The following ARFGEF1 variants were observed in gnomAD, a reference collection of about 807,000 sequenced individuals.
ARFGEF1 encodes the protein ARF guanine nucleotide exchange factor 1, also known as brefeldin A-inhibited guanine nucleotide-exchange protein 1.
Under a neutral mutation model 231.0 loss-of-function variants are expected in ARFGEF1, and 42 were observed. The ratio of observed to expected loss-of-function variants is 0.18; its 90% CI spans 0.14 to 0.24. ARFGEF1 has a LOEUF of 0.24. Ranked by LOEUF, ARFGEF1 falls within the 10% of genes least tolerant of loss-of-function variation. The pLI, the probability that ARFGEF1 is intolerant of heterozygous loss-of-function variation, is 1.00. For synonymous variants in ARFGEF1, 710 were observed against 732.3 expected, an observed-to-expected ratio of 0.97 and a Z score of 0.49; for missense variants, 1,345 against 2,192.0, an observed-to-expected ratio of 0.61 and a Z score of 7.72.
chr8:67,191,146 C>G (rs1836125003), intron 5 of ARFGEF1, among the ~76,000 whole-genome samples: 1 of 152,176 alleles, frequency 6.6e-6, no homozygotes, highest in African/African-American at 2.4e-5. Context: ...TTGCCAAGGT[C>G]ACATGGGCAA....
chr8:67,227,098 T>C, intron 27 of ARFGEF1, 39 bp downstream of exon 27: 3 of 1,548,712 alleles, frequency 1.9e-6, no homozygotes. Context: ...TTGCTTTTTT[T>C]TTTTCCTTTT....
chr8:67,201,920 G>A, intron 36 of ARFGEF1: 1 of 320,442 alleles, frequency 3.1e-6, no homozygotes, highest in South Asian at 2.8e-5. Context: ...ATAAACAGGG[G>A]CAACCCCCAG....
downstream of ARFGEF1, chr8:67,195,586 A>T: frequency 1.2e-6 from 2 of 1,613,976 alleles, no homozygotes; most frequent in Non-Finnish European, 8.5e-7. Context: ...TCGACTGCAC[A>T]TGGTTAAAAT....
chr8:67,264,197 C>T (rs1804754885), intron 14 of ARFGEF1, among the ~76,000 whole-genome samples: 1 of 151,802 alleles, frequency 6.6e-6, no homozygotes, highest in Non-Finnish European at 1.5e-5. Flanking sequence ...GAAGAATGAA[C>T]AAAACCAAAG....
chr8:67,189,961 G>A (rs1382741515), intron 5 of ARFGEF1, among the ~76,000 whole-genome samples: 1 of 152,180 alleles, frequency 6.6e-6, no homozygotes, highest in Non-Finnish European at 1.5e-5. Context: ...AATACCAAGT[G>A]TTGGTGAGGA....
At chr8:67,319,620 G>C (rs902854164) in intron 1 of ARFGEF1, among the ~76,000 whole-genome samples, 1 of 151,832 alleles carries the variant, frequency 6.6e-6, no homozygotes, top group African/African-American at 2.4e-5. Context: ...AAACATAGGA[G>C]AAACTCTCTG....
At chr8:67,267,663 T>G (rs1176720925) in intron 10 of ARFGEF1, among the ~76,000 whole-genome samples, 1 of 152,210 alleles carries the variant, frequency 6.6e-6, no homozygotes, top group African/African-American at 2.4e-5. Context: ...CACATTGATG[T>G]GTTTTGTTCT....
chr8:67,327,835 C>G (rs1807908257), intron 1 of ARFGEF1, among the ~76,000 whole-genome samples: 1 of 152,192 alleles, frequency 6.6e-6, no homozygotes, highest in African/African-American at 2.4e-5. Flanking sequence ...ATATTTCAAG[C>G]ACATCACTAC....
intron 1 of ARFGEF1, among the ~76,000 whole-genome samples, chr8:67,339,790 T>TGGGGTGGGG (rs1479485264): frequency 0.034 from 14 of 414 alleles, no homozygotes; most frequent in African/African-American, 0.061. Flanking sequence ...TGTAACAGTG[T>TGGGGTGGGG]GGGGCGGGGG....
chr8:67,284,756 A>G (rs1805681086), intron 7 of ARFGEF1, among the ~76,000 whole-genome samples: 1 of 152,188 alleles, frequency 6.6e-6, no homozygotes, highest in South Asian at 2.1e-4. Flanking sequence ...ATCCACTGGA[A>G]GGGCCTGCAA....
At chr8:67,199,123 TTAG>T in intron 38 of ARFGEF1, 25 bp from the exon 39 acceptor site, 9 of 1,595,816 alleles carry the variant, frequency 5.6e-6, no homozygotes, top group Non-Finnish European at 7.7e-6. Context: ...AATTTCTCCA[TTAG>T]TAGTGATTGC....
intron 13 of ARFGEF1, 42 bp from the exon 14 acceptor site, chr8:67,266,249 G>GA (rs771982270): frequency 7.5e-3 from 10,055 of 1,335,348 alleles, no homozygotes; most frequent in Non-Finnish European, 8.7e-3. Flanking sequence ...TTCTATCAAA[G>GA]AAAAAAAAAA....
chr8:67,240,081 C>A, intron 20 of ARFGEF1, 81 bp downstream of exon 20: 1 of 1,531,362 alleles, frequency 6.5e-7, no homozygotes, highest in Non-Finnish European at 8.8e-7. Flanking sequence ...CACACATAAA[C>A]AATTATTGTA....
chr8:67,267,677 C>T (rs1804903780), intron 10 of ARFGEF1, among the ~76,000 whole-genome samples: 1 of 152,158 alleles, frequency 6.6e-6, no homozygotes, highest in South Asian at 2.1e-4. Flanking sequence ...TTGTTCTCAA[C>T]ACAGCTGCTA....
intron 4 of ARFGEF1, among the ~76,000 whole-genome samples, chr8:67,298,346 T>C (rs184884272): frequency 4.6e-5 from 7 of 152,252 alleles, no homozygotes; most frequent in East Asian, 1.9e-4. Context: ...AATGAAAACA[T>C]TACTAATTTT....
intron 1 of ARFGEF1, among the ~76,000 whole-genome samples, chr8:67,311,283 A>G (rs1230263939): frequency 1.6e-4 from 11 of 67,264 alleles, no homozygotes; most frequent in Non-Finnish European, 2.0e-4. Context: ...TCCGGGAGGG[A>G]GGTGGGGGGG....
chr8:67,193,823 T>C (rs1396312410), downstream of ARFGEF1, among the ~76,000 whole-genome samples: 2 of 152,134 alleles, frequency 1.3e-5, no homozygotes, highest in Non-Finnish European at 2.9e-5. Flanking sequence ...TAGAGTGGAG[T>C]CTAAACAGGT....
intron 10 of ARFGEF1, among the ~76,000 whole-genome samples, chr8:67,271,052 A>G (rs566336585): frequency 1.4e-5 from 2 of 143,680 alleles, no homozygotes; most frequent in African/African-American, 5.0e-5. Flanking sequence ...AAGGAAAAAG[A>G]AAAAAAAAAA....
chr8:67,261,215 A>G (rs982869740), intron 14 of ARFGEF1, among the ~76,000 whole-genome samples: 5 of 152,186 alleles, frequency 3.3e-5, no homozygotes, highest in Non-Finnish European at 7.4e-5. Flanking sequence ...TTTTCCATGT[A>G]GATAAAACAG....
Sources: allele counts gnomAD v4.1 joint callset (sites outside exome capture counted in the v4.1 genomes callset), GRCh38; gene constraint gnomAD v4.1.1; transcripts MANE v1.5; gene names NCBI Gene and HGNC (gene_info 2026-07-23, HGNC 2026-07-21).